Variants in SLC2A13 observed in about 807,000 individuals in gnomAD.
SLC2A13 encodes proton myo-inositol cotransporter.
In SLC2A13, 32 loss-of-function variants were observed where a neutral mutation model predicts 64.4. That is an observed-to-expected ratio of 0.50 (90% confidence interval 0.37 to 0.67). SLC2A13 has a LOEUF of 0.67. Ranked by LOEUF, SLC2A13 falls within the 30% of genes least tolerant of loss-of-function variation. The pLI, the probability that SLC2A13 is intolerant of heterozygous loss-of-function variation, is 0.00. For missense variants in SLC2A13, 743 were observed against 829.2 expected, an observed-to-expected ratio of 0.90 and a Z score of 1.28; for synonymous variants, 338 against 327.1, an observed-to-expected ratio of 1.03 and a Z score of -0.36.
Position 39,981,267 on chromosome 12 carries a change from A to C in SLC2A13, c.926-29902T>G, listed in dbSNP as rs1292245419. ...CCCTAACATCACAATGAAAAGAACTAGAAAAGCAAGAGCAAACACATTCAA... is the reference window on the plus strand; with the variant it reads ...CCCTAACATCACAATGAAAAGAACTCGAAAAGCAAGAGCAAACACATTCAA... On this transcript the variant is annotated intron_variant, in intron 3 of 9. Coordinates refer to ENST00000280871, the MANE Select transcript of SLC2A13 (RefSeq NM_052885.4). 2.6e-5 allele frequency among the ~76,000 whole-genome samples: 4 copies of C among 151,380 alleles called. No homozygotes were observed. The South Asian group carries it at 6.3e-4, about 24-fold the overall frequency.
chr12:39,977,971 T>C (rs1306238710), intron 3 of SLC2A13, among the ~76,000 whole-genome samples: 2 of 152,256 alleles, frequency 1.3e-5, no homozygotes, highest in Non-Finnish European at 2.9e-5. Flanking sequence ...TTCAGAGGCC[T>C]GTGTATTTCA....
At chr12:39,859,769 G>A (rs1270815990) in intron 6 of SLC2A13, among the ~76,000 whole-genome samples, 4 of 152,034 alleles carry the variant, frequency 2.6e-5, no homozygotes, top group Non-Finnish European at 1.5e-5. Context: ...TTGGTGATCC[G>A]CCTGACTTGG....
At chr12:39,950,535 T>C (rs1946209120) in intron 4 of SLC2A13, 1 of 152,190 alleles carries the variant, frequency 6.6e-6, no homozygotes, top group Non-Finnish European at 1.5e-5. Flanking sequence ...TGTGAGTTTA[T>C]TTAATGTGTG....
rs1274118156 is a variant in SLC2A13, at chr12:39,757,908, T to G, written c.*2118A>C. 2.0e-5 allele frequency: 3 copies of G among 152,186 alleles called. No homozygotes were observed. Among genetic ancestry groups the G allele is most frequent in the African/African-American group, 7.3e-5 (3 of 41,376 alleles). 9.4% of individuals were successfully genotyped at this position (152,186 alleles called of 1,614,324 possible). On this transcript the variant is annotated 3_prime_UTR_variant, in exon 10 of 10. Transcript: ENST00000280871. ...GATTGAGGCAATTATTTTGATTAAG[T>G]CCAAAAAATAAATTTTTAGAGAGCA...
intron 7 of SLC2A13, among the ~76,000 whole-genome samples, chr12:39,806,139 G>A (rs1275562114): frequency 6.6e-6 from 1 of 152,078 alleles, no homozygotes; most frequent in East Asian, 1.9e-4. Context: ...AAGAGCTTCC[G>A]AGAACACGAT....
At chr12:40,007,797 C>T (rs1350863987) in intron 3 of SLC2A13, among the ~76,000 whole-genome samples, 1 of 152,078 alleles carries the variant, frequency 6.6e-6, no homozygotes, top group South Asian at 2.1e-4. Flanking sequence ...GGCACAATAC[C>T]TCACACATAG....
At chr12:39,938,683 T>C (rs1592300304) in intron 4 of SLC2A13, among the ~76,000 whole-genome samples, 1 of 110,004 alleles carries the variant, frequency 9.1e-6, no homozygotes, top group East Asian at 2.6e-4. Context: ...CAGGGATCAT[T>C]GACTTTTTTT....
At chr12:40,031,163 T>C (rs1287439365) in intron 2 of SLC2A13, among the ~76,000 whole-genome samples, 1 of 152,180 alleles carries the variant, frequency 6.6e-6, no homozygotes. Context: ...GATGTGGGTG[T>C]CACTTCAGCT....
At chr12:40,014,845 A>G (rs909716564) in intron 3 of SLC2A13, among the ~76,000 whole-genome samples, 1 of 152,224 alleles carries the variant, frequency 6.6e-6, no homozygotes, top group African/African-American at 2.4e-5. Flanking sequence ...TTCTATCGTA[A>G]TGCTATATTA....
At chr12:39,904,153 A>C (rs1945208363) in intron 4 of SLC2A13, among the ~76,000 whole-genome samples, 1 of 152,182 alleles carries the variant, frequency 6.6e-6, no homozygotes, top group African/African-American at 2.4e-5. Context: ...TGGGTTACAC[A>C]GGATGCACTT....
At chr12:39,979,004 G>A (rs1159787350) in intron 3 of SLC2A13, among the ~76,000 whole-genome samples, 1 of 150,510 alleles carries the variant, frequency 6.6e-6, no homozygotes, top group East Asian at 2.0e-4. Context: ...TCCTCAAGTG[G>A]GTCCCTGACC....
intron 6 of SLC2A13, 64 bp downstream of exon 6, chr12:39,864,698 G>A: frequency 1.3e-6 from 2 of 1,588,732 alleles, no homozygotes; most frequent in Non-Finnish European, 8.6e-7. Context: ...CTTTAAAAAA[G>A]TTAAAAGCAA....
chr12:39,868,718 A>C (rs941824086), intron 5 of SLC2A13, among the ~76,000 whole-genome samples: 2 of 152,208 alleles, frequency 1.3e-5, no homozygotes, highest in African/African-American at 4.8e-5. Flanking sequence ...AAATCTTCCA[A>C]TATTAAAGAA....
At chr12:40,073,168 C>T (rs1938028460) in intron 1 of SLC2A13, among the ~76,000 whole-genome samples, 1 of 151,972 alleles carries the variant, frequency 6.6e-6, no homozygotes, top group Non-Finnish European at 1.5e-5. Context: ...TCCATCCATC[C>T]CTTGTATAAT....
intron 7 of SLC2A13, among the ~76,000 whole-genome samples, chr12:39,800,368 G>T (rs2135783906): frequency 6.6e-6 from 1 of 151,810 alleles, no homozygotes; most frequent in Admixed American, 6.6e-5. Flanking sequence ...CTAATATCCA[G>T]AATCTACAAT....
chr12:39,759,974 G>A lies in SLC2A13; in HGVS notation c.*52C>T. The A allele has an allele frequency of 2.1e-6, 3 of 1,435,384 alleles. No homozygotes were observed. Among genetic ancestry groups the A allele is most frequent in the Non-Finnish European group, 2.9e-6 (3 of 1,026,614 alleles). The allele number at this position is 1,435,384 out of a possible 1,614,324, so 88.9% of individuals were successfully genotyped here. On this transcript the variant is annotated 3_prime_UTR_variant, in exon 10 of 10. Coordinates refer to ENST00000280871, the MANE Select transcript of SLC2A13 (RefSeq NM_052885.4). ...CAGGGCAGTGAAGTCACCAATTGCT[G>A]TTCTTCTCCCCCCAGTTTGTTTAAA...
chr12:39,849,989 T>C (rs1943424596), intron 6 of SLC2A13, among the ~76,000 whole-genome samples: 2 of 152,188 alleles, frequency 1.3e-5, no homozygotes, highest in African/African-American at 2.4e-5. Flanking sequence ...CTATGGATTC[T>C]GTGTCTTTCC....
intron 3 of SLC2A13, among the ~76,000 whole-genome samples, chr12:39,976,547 T>C (rs1946762143): frequency 6.6e-6 from 1 of 152,106 alleles, no homozygotes; most frequent in Non-Finnish European, 1.5e-5. Flanking sequence ...GTAACAATGT[T>C]TTAATTTTTA....
At chr12:39,903,588 C>CA (rs1442443958) in intron 4 of SLC2A13, among the ~76,000 whole-genome samples, 3 of 152,032 alleles carry the variant, frequency 2.0e-5, no homozygotes, top group Admixed American at 1.3e-4. Flanking sequence ...AAACCAAACT[C>CA]ATGAGTTCTA....
Sources: gnomAD v4.1 joint callset for allele counts (sites outside exome capture counted in the v4.1 genomes callset) on GRCh38, gnomAD v4.1.1 for gene constraint, MANE v1.5 for transcripts, NCBI Gene and HGNC (gene_info 2026-07-23, HGNC 2026-07-21) for gene names.